Variants in NDST3 observed in about 807,000 individuals in gnomAD.
The protein encoded by NDST3 is bifunctional heparan sulfate N-deacetylase/N-sulfotransferase 3.
In NDST3, 58 loss-of-function variants were observed where a neutral mutation model predicts 96.1. That is an observed-to-expected ratio of 0.60 (90% CI 0.49 to 0.75). The LOEUF (loss-of-function observed/expected upper bound fraction) is 0.75. Ranked by LOEUF, NDST3 falls within the 30% of genes least tolerant of loss-of-function variation. The pLI, the probability that NDST3 is intolerant of heterozygous loss-of-function variation, is 0.00. For synonymous variants in NDST3, 333 were observed against 359.7 expected (o/e 0.93, Z 0.84); for missense variants, 788 against 1,034.2 (o/e 0.76, Z 3.27).
At chr4:118,161,812 C>A (rs1031098600) in intron 6 of NDST3, among the ~76,000 whole-genome samples, 24 of 152,170 alleles carry the variant, frequency 1.6e-4, no homozygotes, top group Non-Finnish European at 3.1e-4. Flanking sequence ...ACTCCCTGAT[C>A]CCTTGAGCTT....
chr4:118,228,218 C>T (rs1359402084), intron 8 of NDST3, among the ~76,000 whole-genome samples: 1 of 152,182 alleles, frequency 6.6e-6, no homozygotes, highest in Non-Finnish European at 1.5e-5. Context: ...CAAATACTTA[C>T]ATTTTTCTTG....
chr4:118,215,150 T>C (rs1487523539), intron 6 of NDST3, among the ~76,000 whole-genome samples: 4 of 152,028 alleles, frequency 2.6e-5, no homozygotes, highest in Non-Finnish European at 1.5e-5. Context: ...GGAATGGTAG[T>C]TTGAGATCTG....
Position 118,255,792 on chromosome 4 carries a change from T to C in NDST3, c.*80T>C. ...GCTTCCAGAAGCTACCAAAAGGCAG[T>C]TGAAAAATATACCTCTTCAAATGAG... On this transcript the variant is annotated 3_prime_UTR_variant, in exon 14 of 14. Transcript: ENST00000296499. 2 of 1,379,458 alleles carry C rather than the reference T, an allele frequency of 1.4e-6. No individual in the cohort carries two copies. Among genetic ancestry groups the C allele is most frequent in the Non-Finnish European group, 9.7e-7 (1 of 1,030,786 alleles). The allele number at this position is 1,379,458 out of a possible 1,614,324, so 85.5% of individuals were successfully genotyped here.
chr4:118,148,637 A>G (rs1251086905), intron 6 of NDST3, among the ~76,000 whole-genome samples: 2 of 152,212 alleles, frequency 1.3e-5, no homozygotes, highest in African/African-American at 2.4e-5. Context: ...ATAAAACAGA[A>G]TTCACTCAAG....
At chr4:118,161,571 C>T (rs539361805) in intron 6 of NDST3, among the ~76,000 whole-genome samples, 89 of 152,304 alleles carry the variant, frequency 5.8e-4, no homozygotes, top group African/African-American at 1.9e-3. Context: ...CAAGCCTGGG[C>T]GATGGTGGGC....
chr4:118,234,154 G>A (rs1740486955), intron 9 of NDST3, among the ~76,000 whole-genome samples: 1 of 152,174 alleles, frequency 6.6e-6, no homozygotes, highest in South Asian at 2.1e-4. Context: ...GCTCACATGT[G>A]TAATCCCAGC....
intron 6 of NDST3, among the ~76,000 whole-genome samples, chr4:118,164,878 TATAAG>T (rs1022189174): frequency 2.0e-5 from 3 of 152,104 alleles, no homozygotes; most frequent in African/African-American, 7.2e-5. Context: ...TTGTTACAAC[TATAAG>T]ATGTTTTATG....
chr4:118,240,661 C>T lies in NDST3; in HGVS notation c.2256C>T (p.Ile752=), dbSNP rs767019937. Residue 752 remains isoleucine (I), a synonymous_variant, in exon 11 of 14, where the codon ATC becomes ATT. Coordinates refer to ENST00000296499, the MANE Select transcript of NDST3 (RefSeq NM_004784.3). ...TCCCGGGGTGGTATGCCAGCCACATCGAGAGATGGCTTGTTTATTTCCCCC... is the reference window on the plus strand; with the variant it reads ...TCCCGGGGTGGTATGCCAGCCACATTGAGAGATGGCTTGTTTATTTCCCCC... ...CLVPGWYASH[I]ERWLVYFPPF... The T allele has an allele frequency of 3.7e-6, 6 of 1,613,452 alleles. No homozygotes were observed. The highest frequency in any genetic ancestry group is 1.7e-5 in the Admixed American group (1 of 59,940).
Position 118,054,491 on chromosome 4 carries a change from G to A in NDST3, c.581G>A (p.Cys194Tyr), listed in dbSNP as rs768892881. The part of the protein sequence containing the change: ...IYGNLAVKDC[C>Y]INPHSPLIRV... ...GGAAATCTTGCAGTAAAAGATTGTT[G>A]TATTAATCCTCATTCTCCATTGATT... Residue 194 changes from cysteine to tyrosine, a missense_variant, in exon 2 of 14, where the codon TGT becomes TAT. By Grantham distance (194) the Cys-to-Tyr change is radical (BLOSUM62 -2). Around this residue, in one of 3 missense-constraint regions of NDST3, gnomAD observed 234 missense variants for 256.9 expected, o/e 0.91. Coordinates refer to ENST00000296499, the MANE Select transcript of NDST3 (RefSeq NM_004784.3). The A allele has an allele frequency of 1.7e-5, 27 of 1,612,992 alleles. No homozygotes were observed. The East Asian group carries it at 6.0e-4, about 36-fold the overall frequency.
intron 6 of NDST3, among the ~76,000 whole-genome samples, chr4:118,165,845 A>G (rs934875281): frequency 3.3e-5 from 5 of 152,002 alleles, no homozygotes; most frequent in African/African-American, 1.2e-4. Flanking sequence ...CAAAAGAGAA[A>G]TTTAAAAATA....
chr4:118,088,386 T>C (rs2125827171), intron 2 of NDST3, among the ~76,000 whole-genome samples: 1 of 152,154 alleles, frequency 6.6e-6, no homozygotes, highest in South Asian at 2.1e-4. Context: ...TTATTGTGGA[T>C]GGAAAGAATT....
At chr4:118,079,449 G>A (rs1185666243) in intron 2 of NDST3, among the ~76,000 whole-genome samples, 1 of 152,120 alleles carries the variant, frequency 6.6e-6, no homozygotes, top group Non-Finnish European at 1.5e-5. Context: ...AAATACATAA[G>A]GTAAGAGAGT....
chr4:118,084,685 G>A (rs1371680865), intron 2 of NDST3, among the ~76,000 whole-genome samples: 1 of 152,208 alleles, frequency 6.6e-6, no homozygotes, highest in Non-Finnish European at 1.5e-5. Flanking sequence ...GAAAGAACTT[G>A]TGTTTTACTT....
At chr4:118,238,376 T>C (rs1740819669) in intron 10 of NDST3, among the ~76,000 whole-genome samples, 1 of 152,180 alleles carries the variant, frequency 6.6e-6, no homozygotes, top group Admixed American at 6.5e-5. Flanking sequence ...CAAACTCTAG[T>C]AATAATATAT....
chr4:118,139,372 C>T (rs1376306122), intron 5 of NDST3, among the ~76,000 whole-genome samples: 3 of 152,198 alleles, frequency 2.0e-5, no homozygotes, highest in Non-Finnish European at 4.4e-5. Flanking sequence ...TAACAGATTT[C>T]CTGTTTTGAT....
At chr4:118,255,374 G>A (rs1427786683) in intron 13 of NDST3, among the ~76,000 whole-genome samples, 1 of 152,188 alleles carries the variant, frequency 6.6e-6, no homozygotes, top group Non-Finnish European at 1.5e-5. Context: ...AGAGTGGGCA[G>A]TACTGTCACC....
intron 9 of NDST3, among the ~76,000 whole-genome samples, chr4:118,235,329 T>C (rs1740570232): frequency 6.6e-6 from 1 of 152,174 alleles, no homozygotes; most frequent in South Asian, 2.1e-4. Context: ...GAACCTTTTA[T>C]TTACTTCTCT....
rs1362605829 is a variant in NDST3 at position 118,240,694 on chromosome 4, G to A, written c.2289G>A (p.Gln763=). The A allele has an allele frequency of 1.6e-5, 25 of 1,612,034 alleles. No homozygotes were observed. Among genetic ancestry groups the A allele is most frequent in the Non-Finnish European group, 2.0e-5 (24 of 1,179,104 alleles). Residue 763 remains glutamine, a splice_region_variant and synonymous_variant, in exon 11 of 14, where the codon CAG becomes CAA. Transcript: ENST00000296499. ...ERWLVYFPPF[Q]LLIIDGQQLR... Reference sequence around the variant, plus strand: ...GGCTTGTTTATTTCCCCCCATTTCAGGTATGGAGTAATAAGGATTTACATC... The same window carrying A: ...GGCTTGTTTATTTCCCCCCATTTCAAGTATGGAGTAATAAGGATTTACATC...
At chr4:118,231,141 G>C (rs944998104) in intron 8 of NDST3, among the ~76,000 whole-genome samples, 2 of 151,882 alleles carry the variant, frequency 1.3e-5, no homozygotes, top group African/African-American at 4.8e-5. Context: ...TTCGAGACCA[G>C]CCTGGCCAAC....
Sources: gnomAD v4.1 joint callset for allele counts (sites outside exome capture counted in the v4.1 genomes callset) on GRCh38, gnomAD v4.1.1 for gene constraint, gnomAD v4.1.1 regional missense constraint, MANE v1.5 for transcripts, NCBI Gene and HGNC (gene_info 2026-07-23, HGNC 2026-07-21) for gene names.